TOX: variants seen among roughly 807,000 people sequenced by gnomAD.
TOX encodes thymocyte selection associated high mobility group box.
A neutral mutation model predicts 53.7 loss-of-function variants in TOX; 11 were observed. The ratio of observed to expected loss-of-function variants is 0.20; its 90% confidence interval spans 0.13 to 0.34. TOX has a LOEUF of 0.34. Ranked by LOEUF, TOX falls within the 10% of genes least tolerant of loss-of-function variation. The pLI, the probability that TOX is intolerant of heterozygous loss-of-function variation, is 1.00. For synonymous variants in TOX, 225 were observed against 245.3 expected, an observed-to-expected ratio of 0.92 and a Z score of 0.77; for missense variants, 570 against 664.6, an observed-to-expected ratio of 0.86 and a Z score of 1.56.
chr8:59,110,409 T>C (rs1437743317), intron 1 of TOX, among the ~76,000 whole-genome samples: 1 of 152,156 alleles, frequency 6.6e-6, no homozygotes, highest in Non-Finnish European at 1.5e-5. Flanking sequence ...AAAACACTAA[T>C]GCGTATAACA....
At position 59,110,909 on chromosome 8, in the gene TOX, A is replaced by T. The variant is rs781335155; in HGVS notation, c.102+7977T>A. On this transcript the variant is annotated intron_variant, in intron 1 of 8. Transcript: ENST00000361421. ...CTTTTATTCCACTAGGGCAGCAGAA[A>T]TGGAAGAAATGGGCTGAGAATGCAG... is the stretch of plus-strand genomic sequence containing the variant. 1.2e-4 allele frequency among the ~76,000 whole-genome samples: 18 copies of T among 152,248 alleles called. No homozygotes were observed. The South Asian group carries it at 1.7e-3, about 14-fold the overall frequency.
At chr8:58,822,952 T>C (rs1324329737) in intron 6 of TOX, among the ~76,000 whole-genome samples, 1 of 152,118 alleles carries the variant, frequency 6.6e-6, no homozygotes, top group Non-Finnish European at 1.5e-5. Context: ...AGGTTTGCTG[T>C]GATGGGAAAT....
intron 1 of TOX, among the ~76,000 whole-genome samples, chr8:59,046,652 G>C (rs559995738): frequency 1.3e-5 from 2 of 152,164 alleles, no homozygotes; most frequent in South Asian, 4.2e-4. Context: ...GAAGTCCAGA[G>C]TTCAAGACCA....
chr8:58,854,709 T>C (rs1178390186), intron 3 of TOX, among the ~76,000 whole-genome samples: 2 of 152,152 alleles, frequency 1.3e-5, no homozygotes, highest in Non-Finnish European at 2.9e-5. Flanking sequence ...TTTTCCTGTG[T>C]GGAGCATGGC....
intron 3 of TOX, among the ~76,000 whole-genome samples, chr8:58,922,325 T>C (rs1367783974): frequency 2.6e-5 from 4 of 152,212 alleles, no homozygotes; most frequent in African/African-American, 9.6e-5. Context: ...TTAATCATGA[T>C]AAGTTAGAAT....
chr8:58,986,617 A>C lies in TOX; in HGVS notation c.103-26609T>G, dbSNP rs187321188. Among the ~76,000 whole-genome samples the C allele has an allele frequency of 5.8e-4, 88 of 152,342 alleles. 1 individual carries two copies. Among genetic ancestry groups the C allele is most frequent in the African/African-American group, 2.1e-3 (87 of 41,578 alleles). Reference sequence around the variant, plus strand: ...GGGCCTTTTAGGAATACAAAGTAAAAGCAATGTCACGTATTGTGCTCCAGC... The same window carrying C: ...GGGCCTTTTAGGAATACAAAGTAAACGCAATGTCACGTATTGTGCTCCAGC... On this transcript the variant is annotated intron_variant, in intron 1 of 8. Transcript: ENST00000361421.
intron 3 of TOX, among the ~76,000 whole-genome samples, chr8:58,900,165 C>A (rs1293202045): frequency 6.6e-6 from 1 of 152,098 alleles, no homozygotes; most frequent in Non-Finnish European, 1.5e-5. Context: ...TACTTATGAA[C>A]AAAGAAGTAT....
At chr8:58,834,821 T>C (rs1472214573) in intron 5 of TOX, among the ~76,000 whole-genome samples, 2 of 152,190 alleles carry the variant, frequency 1.3e-5, no homozygotes, top group African/African-American at 4.8e-5. Context: ...TCCTACACCA[T>C]ACCTTTAGGC....
intron 1 of TOX, among the ~76,000 whole-genome samples, chr8:58,973,473 T>A (rs1328093393): frequency 6.6e-6 from 1 of 152,198 alleles, no homozygotes; most frequent in African/African-American, 2.4e-5. Context: ...CCTCGGAGGC[T>A]CCACGCATCT....
intron 1 of TOX, among the ~76,000 whole-genome samples, chr8:58,984,157 T>G (rs569190698): frequency 1.3e-5 from 2 of 152,164 alleles, no homozygotes; most frequent in Admixed American, 1.3e-4. Context: ...AAAGAGAAAA[T>G]AGATAAATGG....
At chr8:59,069,047 A>C (rs1261157285) in intron 1 of TOX, among the ~76,000 whole-genome samples, 2 of 152,172 alleles carry the variant, frequency 1.3e-5, no homozygotes, top group Non-Finnish European at 2.9e-5. Context: ...TAGTGCATGC[A>C]AGGGGGCTCC....
intron 1 of TOX, among the ~76,000 whole-genome samples, chr8:59,018,800 A>T (rs530639746): frequency 7.2e-5 from 11 of 152,154 alleles, no homozygotes; most frequent in African/African-American, 2.4e-4. Context: ...CTTGCTGATT[A>T]AAAAAACCCC....
chr8:59,024,550 T>TCC (rs1177019590), intron 1 of TOX, among the ~76,000 whole-genome samples: 1 of 152,166 alleles, frequency 6.6e-6, no homozygotes, highest in Non-Finnish European at 1.5e-5. Flanking sequence ...GCTGTCACGT[T>TCC]TTTGTGTTCA....
At chr8:58,886,405 A>G (rs1267145575) in intron 3 of TOX, among the ~76,000 whole-genome samples, 1 of 152,116 alleles carries the variant, frequency 6.6e-6, no homozygotes, top group East Asian at 1.9e-4. Context: ...CTGCATCAGA[A>G]GGGAAACTGG....
rs533125235 is a variant in TOX, at chr8:58,938,846, T to A, written c.411+456A>T. On this transcript the variant is annotated intron_variant, in intron 3 of 8. Coordinates refer to ENST00000361421, the MANE Select transcript of TOX (RefSeq NM_014729.3). Reference sequence around the variant, plus strand: ...CTCCAAAATAAAACTGAAAAATTTTTTCTTACCTTCCTATGGTATACATTT... The same window carrying A: ...CTCCAAAATAAAACTGAAAAATTTTATCTTACCTTCCTATGGTATACATTT... 2.6e-5 allele frequency among the ~76,000 whole-genome samples: 4 copies of A among 152,360 alleles called. No individual in the cohort carries two copies. In the East Asian group the frequency reaches 5.8e-4, roughly 22 times the overall value.
chr8:58,897,549 T>A (rs1811672220), intron 3 of TOX, among the ~76,000 whole-genome samples: 1 of 152,192 alleles, frequency 6.6e-6, no homozygotes, highest in Non-Finnish European at 1.5e-5. Flanking sequence ...GTTCTCTGCT[T>A]CTTTTTGACC....
At chr8:58,815,781 G>A in intron 6 of TOX, 57 bp from the exon 7 acceptor site, 1 of 1,527,158 alleles carries the variant, frequency 6.5e-7, no homozygotes, top group Non-Finnish European at 8.8e-7. Flanking sequence ...GTTGATTCAA[G>A]GTATGACGCT....
chr8:58,882,086 C>T (rs1585877967), intron 3 of TOX, among the ~76,000 whole-genome samples: 1 of 152,300 alleles, frequency 6.6e-6, no homozygotes. Flanking sequence ...ACTAAGCTCT[C>T]CCACTTCAGT....
intron 1 of TOX, among the ~76,000 whole-genome samples, chr8:59,100,263 G>T (rs976644277): frequency 9.2e-5 from 14 of 152,088 alleles, no homozygotes; most frequent in African/African-American, 3.1e-4. Flanking sequence ...AAAACACATG[G>T]CCTAATTCTG....
Sources: allele counts gnomAD v4.1 joint callset (sites outside exome capture counted in the v4.1 genomes callset), GRCh38; gene constraint gnomAD v4.1.1; transcripts MANE v1.5; gene names NCBI Gene and HGNC (gene_info 2026-07-23, HGNC 2026-07-21).